The following MAP3K4 variants were observed in gnomAD, a reference collection of about 807,000 sequenced individuals.
MAP3K4 encodes mitogen-activated protein kinase kinase kinase 4.
Under a neutral mutation model 185.6 loss-of-function variants are expected in MAP3K4, and 67 were observed. The ratio of observed to expected loss-of-function variants is 0.36; its 90% CI spans 0.30 to 0.44. The LOEUF (loss-of-function observed/expected upper bound fraction) is 0.44. Among genes scored for constraint, MAP3K4 ranks in the 20% least tolerant of loss-of-function variants. MAP3K4 has a pLI of 1.00. For synonymous variants in MAP3K4, 702 were observed against 710.4 expected, an observed-to-expected ratio of 0.99 and a Z score of 0.19; for missense variants, 1,551 against 1,995.1, an observed-to-expected ratio of 0.78 and a Z score of 4.24.
chr6:161,037,874 T>C lies in MAP3K4; in HGVS notation c.343+3425T>C, dbSNP rs1449424934. Among the ~76,000 whole-genome samples the C allele has an allele frequency of 6.6e-6, 1 of 152,232 alleles. No individual in the cohort carries two copies. The highest frequency in any genetic ancestry group is 1.5e-5 in the Non-Finnish European group (1 of 68,038). On this transcript the variant is annotated intron_variant, in intron 2 of 26. Transcript: ENST00000392142. This position sits in a 1 kb window ranked among gnomAD's most constrained non-coding sequence, Gnocchi z 4.2. ...GATTAAATGATTGTCTCAAGTCGTGTAGCTACTGTTCCTGCTTCTGTCCTG... is the reference window on the plus strand; with the variant it reads ...GATTAAATGATTGTCTCAAGTCGTGCAGCTACTGTTCCTGCTTCTGTCCTG...
Position 161,087,596 on chromosome 6 carries a change from C to G in MAP3K4, c.2557-92C>G, listed in dbSNP as rs528116266. On this transcript the variant is annotated intron_variant, in intron 9 of 26. Transcript: ENST00000392142. This position sits in a 1 kb window ranked among gnomAD's most constrained non-coding sequence, Gnocchi z 4.9. ...CATGCCCTTCCCACTTTCCCTTTCC[C>G]AAACCTGCCTCTCCTTTCCTAGGTT... 7.1e-7 allele frequency: 1 copy of G among 1,405,370 alleles called. No individual in the cohort carries two copies. The highest frequency in any genetic ancestry group is 1.4e-5 in the African/African-American group (1 of 70,392). 87.1% of individuals were successfully genotyped at this position (1,405,370 alleles called of 1,614,324 possible).
At chr6:161,003,753 AT>A (rs962154933) in intron 1 of MAP3K4, among the ~76,000 whole-genome samples, 2 of 152,158 alleles carry the variant, frequency 1.3e-5, no homozygotes, top group Admixed American at 1.3e-4. Flanking sequence ...ATCCAATGAG[AT>A]TTCATTATAA....
intron 15 of MAP3K4, among the ~76,000 whole-genome samples, chr6:161,095,708 T>A (rs1388374413): frequency 6.6e-6 from 1 of 152,238 alleles, no homozygotes; most frequent in African/African-American, 2.4e-5. Context: ...TAATTCTTTC[T>A]ACCATTTTTT....
rs374649262 is a variant in MAP3K4 at position 161,109,723 on chromosome 6, A to G, written c.4237-32A>G. Reference sequence around the variant, plus strand: ...CTAGCGTACATCTAAGGAAAACCGTAAACACAGAGCTGCCCTTTATTCCTC... The same window carrying G: ...CTAGCGTACATCTAAGGAAAACCGTGAACACAGAGCTGCCCTTTATTCCTC... On this transcript the variant is annotated intron_variant, in intron 22 of 26. Transcript: ENST00000392142. The surrounding 1 kb of genome is among the most constrained non-coding windows in gnomAD (Gnocchi z 5.7). 7 of 1,613,210 alleles carry G rather than the reference A, an allele frequency of 4.3e-6. No individual in the cohort carries two copies. In the African/African-American group the frequency reaches 9.3e-5, roughly 22 times the overall value.
chr6:160,992,097 C>T lies in MAP3K4; in HGVS notation c.152+14C>T. 1 of 1,543,222 alleles carries T rather than the reference C, an allele frequency of 6.5e-7. No homozygotes were observed. The highest frequency in any genetic ancestry group is 8.7e-7 in the Non-Finnish European group (1 of 1,153,038). On this transcript the variant is annotated intron_variant, in intron 1 of 26. Coordinates refer to ENST00000392142, the MANE Select transcript of MAP3K4 (RefSeq NM_005922.4). ...CTTGGCGGCGAGGTGAGTGTGGCGG[C>T]CGCAGTCGGTCGCTCGCAGAAAGCG...
Position 161,034,703 on chromosome 6 carries a change from T to C in MAP3K4, c.343+254T>C, listed in dbSNP as rs539153194. 4.6e-5 allele frequency among the ~76,000 whole-genome samples: 7 copies of C among 152,196 alleles called. No homozygotes were observed. In the East Asian group the frequency reaches 1.4e-3, roughly 29 times the overall value. ...ATTTGAAGAAGTGAAAGAGGGCAAA[T>C]GTTTCCCAGTGTACTAATACAAGAT... is the stretch of plus-strand genomic sequence containing the variant. On this transcript the variant is annotated intron_variant, in intron 2 of 26. Coordinates refer to ENST00000392142, the MANE Select transcript of MAP3K4 (RefSeq NM_005922.4). The surrounding 1 kb of genome is among the most constrained non-coding windows in gnomAD (Gnocchi z 4.4).
At chr6:161,046,945 T>C (rs1020447610) in intron 2 of MAP3K4, among the ~76,000 whole-genome samples, 6 of 147,524 alleles carry the variant, frequency 4.1e-5, no homozygotes, top group Non-Finnish European at 7.5e-5. Flanking sequence ...AATTATTATA[T>C]TAATATATAT....
chr6:161,002,867 A>C (rs1248063264), intron 1 of MAP3K4, among the ~76,000 whole-genome samples: 1 of 152,176 alleles, frequency 6.6e-6, no homozygotes, highest in Non-Finnish European at 1.5e-5. Context: ...CTGGGATTAC[A>C]GGCGTGAGCT....
In MAP3K4 at chr6:161,038,376, A is replaced by G. The variant is rs552656627; in HGVS notation, c.343+3927A>G. 1.6e-4 allele frequency among the ~76,000 whole-genome samples: 24 copies of G among 152,322 alleles called. 2 individuals are homozygous for G. The highest frequency in any genetic ancestry group is 6.8e-3 in the Middle Eastern group (2 of 294). On this transcript the variant is annotated intron_variant, in intron 2 of 26. Coordinates refer to ENST00000392142, the MANE Select transcript of MAP3K4 (RefSeq NM_005922.4). ...ATTTCAGACTAGCATGTGACTCATA[A>G]TAATATATTGGCCCCCTCAGTATTT... is the stretch of plus-strand genomic sequence containing the variant.
chr6:161,116,939 G>A lies in MAP3K4; in HGVS notation c.*69G>A. 2 of 1,434,552 alleles carry A rather than the reference G, an allele frequency of 1.4e-6. No individual in the cohort carries two copies. Among genetic ancestry groups the A allele is most frequent in the Non-Finnish European group, 9.8e-7 (1 of 1,017,680 alleles). The allele number at this position is 1,434,552 out of a possible 1,614,324, so 88.9% of individuals were successfully genotyped here. Reference sequence around the variant, plus strand: ...TGTATGTAATATTTACATAAAGACTGTGCTGAGAAGCAGTATAAGCCTTTT... The same window carrying A: ...TGTATGTAATATTTACATAAAGACTATGCTGAGAAGCAGTATAAGCCTTTT... On this transcript the variant is annotated 3_prime_UTR_variant, in exon 27 of 27. Transcript: ENST00000392142. The surrounding 1 kb of genome is among the most constrained non-coding windows in gnomAD (Gnocchi z 6.2).
rs1249064784 is a variant in MAP3K4 at position 161,034,912 on chromosome 6, G to C, written c.343+463G>C. Among the ~76,000 whole-genome samples, 1 of 152,022 alleles carries C rather than the reference G, an allele frequency of 6.6e-6. No individual in the cohort carries two copies. Among genetic ancestry groups the C allele is most frequent in the Non-Finnish European group, 1.5e-5 (1 of 68,006 alleles). ...CGGGGTGCTATCTTTAGTGTGTAGG[G>C]CTCTCTTTTTCATACTAAGCACAGT... On this transcript the variant is annotated intron_variant, in intron 2 of 26. Coordinates refer to ENST00000392142, the MANE Select transcript of MAP3K4 (RefSeq NM_005922.4). The surrounding 1 kb of genome is among the most constrained non-coding windows in gnomAD (Gnocchi z 4.4).
Position 161,102,732 on chromosome 6 carries a change from C to T in MAP3K4, c.3809C>T (p.Ser1270Phe). 2 of 1,600,302 alleles carry T rather than the reference C, an allele frequency of 1.2e-6. No homozygotes were observed. Among genetic ancestry groups the T allele is most frequent in the Non-Finnish European group, 1.7e-6 (2 of 1,175,870 alleles). Residue 1270 changes from serine (S) to phenylalanine (F), a missense_variant, in exon 19 of 27, where the codon TCC (serine) becomes TTC (phenylalanine). By Grantham distance (155) the Ser-to-Phe change is radical (BLOSUM62 -2). Transcript: ENST00000392142. Reference sequence around the variant, plus strand: ...TATCCAAGAGGAGATTCAAGTGGGTCCACAAGAAGAAGTTGGGAACTTCGG... The same window carrying T: ...TATCCAAGAGGAGATTCAAGTGGGTTCACAAGAAGAAGTTGGGAACTTCGG... ...PAYPRGDSSGSTRRSWELRTL... is the reference protein window; with the variant it reads ...PAYPRGDSSGFTRRSWELRTL...
intron 1 of MAP3K4, among the ~76,000 whole-genome samples, chr6:161,026,224 G>GCA: frequency 6.6e-6 from 1 of 152,022 alleles, no homozygotes; most frequent in Non-Finnish European, 1.5e-5. Context: ...TCTGCCTCCT[G>GCA]GGTTCATGCC....
rs1777848470 is a variant in MAP3K4 at position 161,101,743 on chromosome 6, A to G, written c.3675-149A>G. 2 of 647,306 alleles carry G rather than the reference A, an allele frequency of 3.1e-6. No individual in the cohort carries two copies. The highest frequency in any genetic ancestry group is 1.8e-5 in the African/African-American group (1 of 54,684). 40.1% of individuals were successfully genotyped at this position (647,306 alleles called of 1,614,324 possible). A position where few individuals can be genotyped will look rare whatever the true frequency, so the allele number is the denominator to read the frequency against. ...ACTAGATGCCAGTAGCACCCTCCCAAAAGTGTCTAATACATTGCTGGAGGC... is the reference window on the plus strand; with the variant it reads ...ACTAGATGCCAGTAGCACCCTCCCAGAAGTGTCTAATACATTGCTGGAGGC... On this transcript the variant is annotated intron_variant, in intron 17 of 26. Transcript: ENST00000392142. The surrounding 1 kb of genome is among the most constrained non-coding windows in gnomAD (Gnocchi z 5.1).
intron 1 of MAP3K4, among the ~76,000 whole-genome samples, chr6:161,001,659 T>C (rs188112186): frequency 1.1e-3 from 169 of 152,348 alleles, no homozygotes; most frequent in African/African-American, 3.9e-3. Flanking sequence ...TGCTGACACT[T>C]GTATGAAGGA....
At chr6:161,020,657 A>T (rs1270434341) in intron 1 of MAP3K4, among the ~76,000 whole-genome samples, 6 of 118,074 alleles carry the variant, frequency 5.1e-5, no homozygotes, top group Non-Finnish European at 9.0e-5. Flanking sequence ...GACTCTGTCT[A>T]AAAAAAAAAA....
rs1373760132 is a variant in MAP3K4, at chr6:161,073,552, C to T, written c.2037C>T (p.Asp679=). 1 of 1,613,838 alleles carries T rather than the reference C, an allele frequency of 6.2e-7. No individual in the cohort carries two copies. Among genetic ancestry groups the T allele is most frequent in the East Asian group, 2.2e-5 (1 of 44,874 alleles). ...YQFMLQEVLE[D]LEKPDCNIDA... is the part of the protein sequence containing the mutation. ...TCATGCTGCAGGAGGTTCTGGAGGA[C>T]TTGGAGAAGCCCGACTGCAACATTG... Residue 679 remains aspartate (D), a synonymous_variant, in exon 5 of 27, where the codon GAC becomes GAT. Transcript: ENST00000392142. The surrounding 1 kb of genome is among the most constrained non-coding windows in gnomAD (Gnocchi z 4.2).
In MAP3K4 at chr6:161,114,092, A is replaced by G. The variant is rs114114334; in HGVS notation, c.4627-1031A>G. 5.3e-4 allele frequency among the ~76,000 whole-genome samples: 81 copies of G among 152,194 alleles called. No homozygotes were observed. Among genetic ancestry groups the G allele is most frequent in the African/African-American group, 1.9e-3 (79 of 41,516 alleles). On this transcript the variant is annotated intron_variant, in intron 25 of 26. Transcript: ENST00000392142. This position sits in a 1 kb window ranked among gnomAD's most constrained non-coding sequence, Gnocchi z 4.3. Reference sequence around the variant, plus strand: ...GACATTTTTAAAGATTGAGAATACTATCTTTTAGAGAGTATATAAAGAAAC... The same window carrying G: ...GACATTTTTAAAGATTGAGAATACTGTCTTTTAGAGAGTATATAAAGAAAC...
At chr6:161,102,653 T>G in intron 18 of MAP3K4, 46 bp from the exon 19 acceptor site, 1 of 1,264,814 alleles carries the variant, frequency 7.9e-7, no homozygotes, top group Admixed American at 2.4e-5. Context: ...CAAATAAGCA[T>G]ATTTATTTCA....
Sources: allele counts gnomAD v4.1 joint callset (sites outside exome capture counted in the v4.1 genomes callset), GRCh38; gene constraint gnomAD v4.1.1; non-coding constraint Gnocchi (gnomAD v3.1); transcripts MANE v1.5; gene names NCBI Gene and HGNC (gene_info 2026-07-23, HGNC 2026-07-21).